The following NADK2 variants were observed in gnomAD, a reference collection of about 807,000 sequenced individuals.
The protein encoded by NADK2 is NAD kinase domain-containing protein 1, mitochondrial.
A neutral mutation model predicts 62.1 loss-of-function variants in NADK2; 35 were observed. The observed-to-expected ratio is 0.56, with a 90% CI of 0.43 to 0.75. NADK2 has a LOEUF of 0.75. NADK2 is among the 30% of genes least tolerant of loss of function. NADK2 has a pLI of 0.00. For missense variants in NADK2, 439 were observed against 561.3 expected, an observed-to-expected ratio of 0.78 and a Z score of 2.20; for synonymous variants, 205 against 207.9, an observed-to-expected ratio of 0.99 and a Z score of 0.12.
At chr5:36,209,588 G>C (rs561286341) in intron 7 of NADK2, among the ~76,000 whole-genome samples, 1 of 152,148 alleles carries the variant, frequency 6.6e-6, no homozygotes, top group African/African-American at 2.4e-5. Flanking sequence ...TAACTAGATT[G>C]TATCAGTAGA....
chr5:36,239,954 T>C (rs1485214835), intron 1 of NADK2, among the ~76,000 whole-genome samples: 1 of 152,206 alleles, frequency 6.6e-6, no homozygotes, highest in Admixed American at 6.5e-5. Context: ...ACATGCCAAG[T>C]GAGCTATTTT....
intron 10 of NADK2, among the ~76,000 whole-genome samples, chr5:36,197,932 A>T (rs1461234000): frequency 6.6e-6 from 1 of 152,042 alleles, no homozygotes; most frequent in Non-Finnish European, 1.5e-5. Flanking sequence ...AGAAAAAAAT[A>T]AAAAACACTA....
Position 36,217,751 on chromosome 5 carries a change from C to T in NADK2, c.778G>A (p.Glu260Lys), listed in dbSNP as rs1747099487. The T allele has an allele frequency of 2.5e-6, 4 of 1,613,798 alleles. No individual in the cohort carries two copies. The highest frequency in any genetic ancestry group is 2.5e-6 in the Non-Finnish European group (3 of 1,179,816). ...RALNIERAHD[E>K]RSEASGPQLL... The stretch of plus-strand genomic sequence containing the variant: ...ATCTGATGCCCAATCCACCTACTTT[C>T]ATCATGAGCTCTTTCAATGTTAAGG... The change falls in exon 6 of 12, where the codon GAA (glutamate) becomes AAA (lysine). Residue 260 changes from glutamate to lysine, a missense_variant. By Grantham distance (56) the Glu-to-Lys change is moderately conservative. Transcript: ENST00000381937.
Position 36,241,876 on chromosome 5 carries a change from C to T in NADK2, c.-78G>A. Reference sequence around the variant, plus strand: ...CCTACCGCCGGGAGTGCGCGCCGTCCGCGCCGCCCGGGCCTCTAACTTCGC... The same window carrying T: ...CCTACCGCCGGGAGTGCGCGCCGTCTGCGCCGCCCGGGCCTCTAACTTCGC... On this transcript the variant is annotated 5_prime_UTR_variant, in exon 1 of 12. Transcript: ENST00000381937. The surrounding 1 kb of genome is among the most constrained non-coding windows in gnomAD (Gnocchi z 4.9). The T allele has an allele frequency of 9.1e-7, 1 of 1,094,394 alleles. No individual in the cohort carries two copies. The highest frequency in any genetic ancestry group is 1.1e-6 in the Non-Finnish European group (1 of 894,172). 67.8% of individuals were successfully genotyped at this position (1,094,394 alleles called of 1,614,324 possible).
At position 36,194,052 on chromosome 5, in the gene NADK2, A is replaced by G. The variant is rs1746131183; in HGVS notation, c.*1092T>C. ...GCAACGACAGGATCTTTTGGCAAAA[A>G]TTCTAGGATTACTTATAAGTAGATC... On this transcript the variant is annotated 3_prime_UTR_variant, in exon 12 of 12. Transcript: ENST00000381937. 1 of 152,394 alleles carries G rather than the reference A, an allele frequency of 6.6e-6. No individual in the cohort carries two copies. Among genetic ancestry groups the G allele is most frequent in the African/African-American group, 2.4e-5 (1 of 41,460 alleles). 9.4% of individuals were successfully genotyped at this position (152,394 alleles called of 1,614,324 possible). A position where few individuals can be genotyped will look rare whatever the true frequency, so the allele number is the denominator to read the frequency against.
At chr5:36,220,351 G>A (rs1460976234) in intron 4 of NADK2, among the ~76,000 whole-genome samples, 2 of 152,204 alleles carry the variant, frequency 1.3e-5, no homozygotes, top group African/African-American at 2.4e-5. Context: ...AAGGTGGTAA[G>A]ATTGCCTATT....
At chr5:36,197,103 A>C (rs1746258467) in intron 11 of NADK2, among the ~76,000 whole-genome samples, 1 of 152,042 alleles carries the variant, frequency 6.6e-6, no homozygotes, top group African/African-American at 2.4e-5. Flanking sequence ...AATAGGCAGG[A>C]GGTCACTTTT....
At chr5:36,231,966 G>T (rs1260579446) in intron 1 of NADK2, among the ~76,000 whole-genome samples, 2 of 151,968 alleles carry the variant, frequency 1.3e-5, no homozygotes, top group African/African-American at 2.4e-5. Context: ...GATTCACCAG[G>T]ACACTTGGAA....
chr5:36,221,495 GA>G (rs972505831), intron 4 of NADK2: 12 of 152,128 alleles, frequency 7.9e-5, no homozygotes, highest in Admixed American at 3.9e-4. Context: ...ATAAATAGGA[GA>G]AAAAACTTAA....
intron 6 of NADK2, among the ~76,000 whole-genome samples, chr5:36,215,092 T>C (rs534292988): frequency 2.3e-4 from 35 of 152,226 alleles, no homozygotes; most frequent in Non-Finnish European, 4.1e-4. Context: ...CAGAGGGTCC[T>C]AGACCCAATC....
chr5:36,213,877 C>A (rs1424589519), intron 6 of NADK2, among the ~76,000 whole-genome samples: 1 of 151,948 alleles, frequency 6.6e-6, no homozygotes, highest in East Asian at 1.9e-4. Context: ...TAAATTTGAG[C>A]TCTCACCATC....
At chr5:36,224,556 CAAAAAAA>C (rs756009943) in intron 4 of NADK2, among the ~76,000 whole-genome samples, 1 of 72,736 alleles carries the variant, frequency 1.4e-5, no homozygotes, top group Non-Finnish European at 3.2e-5. Context: ...GACTCTGTCT[CAAAAAAA>C]AAAAAAAAGA....
intron 5 of NADK2, 105 bp from the exon 6 acceptor site, chr5:36,217,989 C>T: frequency 2.0e-6 from 2 of 987,976 alleles, no homozygotes; most frequent in South Asian, 3.8e-5. Context: ...AACTAGTTAC[C>T]AGTTATTCCA....
At chr5:36,219,821 G>T in intron 4 of NADK2, 142 bp from the exon 5 acceptor site, 1 of 608,816 alleles carries the variant, frequency 1.6e-6, no homozygotes, top group Non-Finnish European at 2.8e-6. Flanking sequence ...TCCATTTTTT[G>T]CCACAAAATT....
intron 1 of NADK2, among the ~76,000 whole-genome samples, chr5:36,237,821 G>A (rs557800645): frequency 6.6e-5 from 10 of 152,236 alleles, no homozygotes; most frequent in East Asian, 1.9e-4. Flanking sequence ...GAATTCAGCC[G>A]GAGTCATTAA....
chr5:36,239,418 A>T (rs1460551358), intron 1 of NADK2, among the ~76,000 whole-genome samples: 1 of 152,202 alleles, frequency 6.6e-6, no homozygotes, highest in African/African-American at 2.4e-5. Context: ...AACTGTAATG[A>T]CAACACCACC....
intron 6 of NADK2, among the ~76,000 whole-genome samples, chr5:36,212,766 A>G (rs1554008716): frequency 6.6e-6 from 1 of 152,142 alleles, no homozygotes; most frequent in Non-Finnish European, 1.5e-5. Context: ...AATTCCTACT[A>G]AGTTAATGTT....
intron 1 of NADK2, among the ~76,000 whole-genome samples, chr5:36,235,817 A>G (rs1199787465): frequency 1.3e-5 from 2 of 151,992 alleles, no homozygotes; most frequent in African/African-American, 4.8e-5. Flanking sequence ...CCCTCCTTCA[A>G]TGCAAATGTT....
chr5:36,208,762 A>T, intron 7 of NADK2: 1 of 946,734 alleles, frequency 1.1e-6, no homozygotes, highest in Non-Finnish European at 1.6e-6. Flanking sequence ...TAAGAACATT[A>T]TAAATGAGGC....
Sources: allele counts gnomAD v4.1 joint callset (sites outside exome capture counted in the v4.1 genomes callset), GRCh38; gene constraint gnomAD v4.1.1; non-coding constraint Gnocchi (gnomAD v3.1); transcripts MANE v1.5; gene names NCBI Gene and HGNC (gene_info 2026-07-23, HGNC 2026-07-21).